The following ANO3 variants were observed in gnomAD, a reference collection of about 807,000 sequenced individuals.
ANO3 encodes anoctamin 3.
ANO3 carries 99 observed loss-of-function variants against 144.8 expected under a neutral mutation model. That is an observed-to-expected ratio of 0.68 (90% confidence interval 0.58 to 0.81). ANO3 has a LOEUF of 0.81. ANO3 is among the 30% of genes least tolerant of loss of function. The pLI is 0.00. For missense variants in ANO3, 905 were observed against 1,202.2 expected (o/e 0.75, Z 3.66); for synonymous variants, 414 against 392.6 (o/e 1.05, Z -0.64).
intron 1 of ANO3, among the ~76,000 whole-genome samples, chr11:26,417,997 TTC>T (rs1209059310): frequency 6.6e-6 from 1 of 152,140 alleles, no homozygotes; most frequent in East Asian, 1.9e-4. Context: ...CAATAGTATG[TTC>T]TGTTTTCTTC....
chr11:26,196,252 T>C (rs920170271), intron 1 of ANO3, among the ~76,000 whole-genome samples: 8 of 152,176 alleles, frequency 5.3e-5, no homozygotes, highest in African/African-American at 1.7e-4. Flanking sequence ...TCTTTAGTAA[T>C]ATAAGAATCC....
chr11:26,232,250 A>G (rs1852416242), intron 1 of ANO3, among the ~76,000 whole-genome samples: 1 of 152,190 alleles, frequency 6.6e-6, no homozygotes, highest in African/African-American at 2.4e-5. Flanking sequence ...GTCCTTCCAA[A>G]GAATGGAGAA....
chr11:26,315,324 C>G (rs7942628), intron 1 of ANO3, among the ~76,000 whole-genome samples: 3,033 of 152,234 alleles, frequency 0.02, 94 homozygotes, highest in African/African-American at 0.066. Context: ...TTCTAATCTT[C>G]TGCTCTCCAT....
chr11:26,602,768 CT>C (rs1255735530), intron 17 of ANO3, among the ~76,000 whole-genome samples: 1 of 151,198 alleles, frequency 6.6e-6, no homozygotes, highest in African/African-American at 2.4e-5. Flanking sequence ...AAAGACATTA[CT>C]GTGTAATAGA....
chr11:26,280,317 G>C (rs1345972414), intron 1 of ANO3, among the ~76,000 whole-genome samples: 1 of 152,070 alleles, frequency 6.6e-6, no homozygotes, highest in African/African-American at 2.4e-5. Flanking sequence ...TCTCTAGCAG[G>C]ACAGAACTAA....
At chr11:26,451,661 C>G (rs1565032798) in intron 3 of ANO3, among the ~76,000 whole-genome samples, 1 of 152,168 alleles carries the variant, frequency 6.6e-6, no homozygotes, top group Non-Finnish European at 1.5e-5. Context: ...GGGCAGGGCA[C>G]AGACAAACAA....
chr11:26,600,085 G>T (rs1316226931), intron 17 of ANO3, among the ~76,000 whole-genome samples: 2 of 151,942 alleles, frequency 1.3e-5, no homozygotes, highest in African/African-American at 4.8e-5. Context: ...GGGAAAACTT[G>T]TTGGAAAGAT....
chr11:26,298,905 C>A (rs1181155608), intron 1 of ANO3, among the ~76,000 whole-genome samples: 1 of 152,130 alleles, frequency 6.6e-6, no homozygotes, highest in Non-Finnish European at 1.5e-5. Flanking sequence ...GAGCCAAGAT[C>A]AGAGAGATCA....
Position 26,332,181 on chromosome 11 carries a change from A to G in ANO3, c.-95A>G. Reference sequence around the variant, plus strand: ...GTGTCGGATTGCAGTGCGCTCGCTGAGGCTCCGGACCTTGGAGCGTCTAGA... The same window carrying G: ...GTGTCGGATTGCAGTGCGCTCGCTGGGGCTCCGGACCTTGGAGCGTCTAGA... On this transcript the variant is annotated 5_prime_UTR_variant, in exon 1 of 27. Coordinates refer to ENST00000256737, the MANE Select transcript of ANO3 (RefSeq NM_031418.4). 1 of 1,608,292 alleles carries G rather than the reference A, an allele frequency of 6.2e-7. No individual in the cohort carries two copies. Among genetic ancestry groups the G allele is most frequent in the Non-Finnish European group, 8.5e-7 (1 of 1,177,248 alleles).
intron 1 of ANO3, among the ~76,000 whole-genome samples, chr11:26,198,618 A>T (rs1182048115): frequency 6.6e-6 from 1 of 152,166 alleles, no homozygotes; most frequent in Non-Finnish European, 1.5e-5. Flanking sequence ...CAAAGCATTC[A>T]TTCGTGTGTT....
At chr11:26,582,340 A>G (rs1851157078) in intron 14 of ANO3, among the ~76,000 whole-genome samples, 1 of 152,218 alleles carries the variant, frequency 6.6e-6, no homozygotes. Flanking sequence ...AGATAAATAC[A>G]TATAGGTTGA....
At chr11:26,400,947 A>G (rs761769751) in intron 1 of ANO3, among the ~76,000 whole-genome samples, 4 of 151,976 alleles carry the variant, frequency 2.6e-5, no homozygotes, top group Non-Finnish European at 4.4e-5. Flanking sequence ...AGTTGCTTCC[A>G]TGAACTACTT....
chr11:26,459,162 C>T (rs1050664866), intron 3 of ANO3, among the ~76,000 whole-genome samples: 2 of 152,040 alleles, frequency 1.3e-5, no homozygotes, highest in African/African-American at 4.8e-5. Flanking sequence ...GAGGGTAGAG[C>T]TGTAGGAGCT....
At chr11:26,189,644 T>A (rs775360272) in intron 1 of ANO3, among the ~76,000 whole-genome samples, 17 of 152,204 alleles carry the variant, frequency 1.1e-4, no homozygotes, top group Non-Finnish European at 1.9e-4. Flanking sequence ...TTGTATGGCA[T>A]GACCGATGAA....
At chr11:26,339,177 G>C (rs1482769919) in intron 1 of ANO3, among the ~76,000 whole-genome samples, 6 of 149,286 alleles carry the variant, frequency 4.0e-5, no homozygotes, top group Admixed American at 4.0e-4. Context: ...TTTTTTTGAT[G>C]GAGTCTGGCT....
At chr11:26,386,251 GA>G (rs1173337115) in intron 1 of ANO3, among the ~76,000 whole-genome samples, 6 of 152,120 alleles carry the variant, frequency 3.9e-5, no homozygotes, top group Admixed American at 2.0e-4. Flanking sequence ...GAATAAGTAG[GA>G]ATATATCATA....
At chr11:26,215,219 A>C (rs1852013531) in intron 1 of ANO3, among the ~76,000 whole-genome samples, 1 of 151,794 alleles carries the variant, frequency 6.6e-6, no homozygotes, top group Admixed American at 6.6e-5. Flanking sequence ...TTATGCTTCC[A>C]CCTCCTTGAC....
At chr11:26,382,138 C>T (rs1388544623) in intron 1 of ANO3, among the ~76,000 whole-genome samples, 1 of 152,064 alleles carries the variant, frequency 6.6e-6, no homozygotes, top group Non-Finnish European at 1.5e-5. Flanking sequence ...AAAGAGCTTT[C>T]TGGGCTTACC....
chr11:26,222,978 T>C (rs1311196353), intron 1 of ANO3, among the ~76,000 whole-genome samples: 1 of 152,174 alleles, frequency 6.6e-6, no homozygotes, highest in African/African-American at 2.4e-5. Flanking sequence ...AGCTCCCTTT[T>C]AGACATGCTA....
Sources: gnomAD v4.1 joint callset for allele counts (sites outside exome capture counted in the v4.1 genomes callset) on GRCh38, gnomAD v4.1.1 for gene constraint, MANE v1.5 for transcripts, NCBI Gene and HGNC (gene_info 2026-07-23, HGNC 2026-07-21) for gene names.